PRKN: variants seen among roughly 807,000 people sequenced by gnomAD.
PRKN encodes the protein parkin RBR E3 ubiquitin protein ligase.
PRKN carries 56 observed loss-of-function variants against 59.5 expected under a neutral mutation model. That is an observed-to-expected ratio of 0.94 (90% CI 0.76 to 1.18). PRKN has a LOEUF of 1.18. Among genes scored for constraint, PRKN ranks in the 50% most tolerant of loss-of-function variants. The pLI, the probability that PRKN is intolerant of heterozygous loss-of-function variation, is 0.00. For missense variants in PRKN, 657 were observed against 596.4 expected (o/e 1.10, Z -1.06); for synonymous variants, 250 against 222.1 (o/e 1.13, Z -1.12).
At chr6:161,824,386 A>G (rs951682147) in intron 6 of PRKN, among the ~76,000 whole-genome samples, 13 of 152,374 alleles carry the variant, frequency 8.5e-5, no homozygotes, top group Middle Eastern at 3.4e-3. Flanking sequence ...TTGTGCATAA[A>G]CACAAATGAA....
At chr6:162,568,216 T>A (rs1400436577) in intron 1 of PRKN, among the ~76,000 whole-genome samples, 1 of 152,128 alleles carries the variant, frequency 6.6e-6, no homozygotes, top group Non-Finnish European at 1.5e-5. Context: ...GGGTAAAAAT[T>A]TCTTGAGCAA....
rs914322102 is a variant in PRKN, at chr6:161,581,631, G to A, written c.872-12215C>T. On this transcript the variant is annotated intron_variant, in intron 7 of 11. Transcript: ENST00000366898. This position sits in a 1 kb window ranked among gnomAD's most constrained non-coding sequence, Gnocchi z 4.5. ...GGGCGTTGGGCCTATGTCATCAACA[G>A]TGAGCAAGAGACAGGAAATAGAATG... 1.4e-4 allele frequency among the ~76,000 whole-genome samples: 21 copies of A among 152,290 alleles called. No homozygotes were observed. Among genetic ancestry groups the A allele is most frequent in the African/African-American group, 5.1e-4 (21 of 41,562 alleles).
At chr6:162,703,658 A>AT in intron 1 of PRKN, among the ~76,000 whole-genome samples, 1 of 152,292 alleles carries the variant, frequency 6.6e-6, no homozygotes, top group Middle Eastern at 3.4e-3. Context: ...TACTATCCCC[A>AT]TTTTGTAGAT....
intron 9 of PRKN, among the ~76,000 whole-genome samples, chr6:161,508,883 T>G (rs146655028): frequency 0.012 from 1,819 of 152,140 alleles, 38 homozygotes; most frequent in African/African-American, 0.042. Flanking sequence ...TCACTCTTGT[T>G]GCCGAGACTG....
intron 1 of PRKN, among the ~76,000 whole-genome samples, chr6:162,714,257 G>A (rs2849514): frequency 0.92 from 139,371 of 152,156 alleles, 63,994 homozygotes; most frequent in East Asian, 0.98. Context: ...GTTTAAGCCA[G>A]TCTTTAACAC....
chr6:162,130,128 A>G (rs1336828953), intron 4 of PRKN, among the ~76,000 whole-genome samples: 1 of 152,054 alleles, frequency 6.6e-6, no homozygotes, highest in Non-Finnish European at 1.5e-5. Context: ...CTGGCCCCCA[A>G]ATACAGGAAT....
chr6:161,885,405 C>T (rs1383526696), intron 6 of PRKN, among the ~76,000 whole-genome samples: 1 of 152,254 alleles, frequency 6.6e-6, no homozygotes, highest in Non-Finnish European at 1.5e-5. Context: ...GTGGCTCAGC[C>T]TGTAATCCCA....
chr6:161,882,687 T>C (rs1255118235), intron 6 of PRKN, among the ~76,000 whole-genome samples: 1 of 152,096 alleles, frequency 6.6e-6, no homozygotes, highest in Non-Finnish European at 1.5e-5. Context: ...GATGTGAAGA[T>C]GGATGAAGAA....
At position 161,562,150 on chromosome 6, in the gene PRKN, G is replaced by A. The variant is rs908554534; in HGVS notation, c.933+7205C>T. The stretch of plus-strand genomic sequence containing the variant: ...TCAGCATTCCTCCTCTGGAAGCCCC[G>A]CCTTCTTGGCTTCCCCAACACCATA... On this transcript the variant is annotated intron_variant, in intron 8 of 11. Coordinates refer to ENST00000366898, the MANE Select transcript of PRKN (RefSeq NM_004562.3). The surrounding 1 kb of genome is among the most constrained non-coding windows in gnomAD (Gnocchi z 4.3). Among the ~76,000 whole-genome samples, 4 of 151,434 alleles carry A rather than the reference G, an allele frequency of 2.6e-5. No homozygotes were observed. Among genetic ancestry groups the A allele is most frequent in the Admixed American group, 6.6e-5 (1 of 15,200 alleles).
intron 6 of PRKN, among the ~76,000 whole-genome samples, chr6:161,891,615 T>A (rs947628060): frequency 1.3e-5 from 2 of 152,168 alleles, no homozygotes; most frequent in African/African-American, 4.8e-5. Flanking sequence ...CTCTACACCC[T>A]AAACATTCCT....
chr6:162,061,977 T>C (rs77478826), intron 4 of PRKN, among the ~76,000 whole-genome samples: 1,739 of 152,238 alleles, frequency 0.011, 32 homozygotes, highest in African/African-American at 0.04. Context: ...AAATGGAAAA[T>C]AGTATAGTCA....
At chr6:162,516,419 T>G (rs1423250112) in intron 1 of PRKN, among the ~76,000 whole-genome samples, 1 of 152,180 alleles carries the variant, frequency 6.6e-6, no homozygotes, top group Non-Finnish European at 1.5e-5. Flanking sequence ...CAGACTTAGC[T>G]AGATTCCTGT....
At chr6:162,700,001 T>C (rs905744377) in intron 1 of PRKN, among the ~76,000 whole-genome samples, 6 of 152,226 alleles carry the variant, frequency 3.9e-5, no homozygotes, top group African/African-American at 9.6e-5. Context: ...ATTGAATGAA[T>C]ATTCAAGCAC....
Position 161,541,052 on chromosome 6 carries a change from T to C in PRKN, c.1083+7802A>G, listed in dbSNP as rs190390025. Among the ~76,000 whole-genome samples, 1,332 of 152,364 alleles carry C rather than the reference T, an allele frequency of 8.7e-3. 62 individuals carry two copies. The highest frequency in any genetic ancestry group is 0.078 in the Admixed American group (1,191 of 15,304). On this transcript the variant is annotated intron_variant, in intron 9 of 11. Coordinates refer to ENST00000366898, the MANE Select transcript of PRKN (RefSeq NM_004562.3). ...ACAGCTGAATAGCTCAAAGTGCTTG[T>C]GTTGAAAACACAGGAAACCTGAGTT...
At chr6:161,523,859 T>A (rs899574754) in intron 9 of PRKN, among the ~76,000 whole-genome samples, 9 of 152,152 alleles carry the variant, frequency 5.9e-5, no homozygotes, top group Non-Finnish European at 1.3e-4. Context: ...AAACCATTTT[T>A]CAAAATACCA....
intron 6 of PRKN, among the ~76,000 whole-genome samples, chr6:161,839,024 G>A (rs1288447141): frequency 6.6e-6 from 1 of 152,078 alleles, no homozygotes; most frequent in Non-Finnish European, 1.5e-5. Context: ...GTGGGGGGAG[G>A]AGCAGCCTTT....
chr6:162,024,217 T>G (rs866394587), intron 5 of PRKN, among the ~76,000 whole-genome samples: 1 of 146,864 alleles, frequency 6.8e-6, no homozygotes, highest in Non-Finnish European at 1.5e-5. Context: ...TTTTTTTTTT[T>G]GACAGAGTTT....
Position 161,470,517 on chromosome 6 carries a change from C to A in PRKN, c.1083+78337G>T, listed in dbSNP as rs1259422083. 1.3e-5 allele frequency among the ~76,000 whole-genome samples: 2 copies of A among 152,178 alleles called. No homozygotes were observed. Among genetic ancestry groups the A allele is most frequent in the Non-Finnish European group, 2.9e-5 (2 of 68,024 alleles). On this transcript the variant is annotated intron_variant, in intron 9 of 11. Coordinates refer to ENST00000366898, the MANE Select transcript of PRKN (RefSeq NM_004562.3). The surrounding 1 kb of genome is among the most constrained non-coding windows in gnomAD (Gnocchi z 5.1). ...AGCACTCCCAGTCTAACCCTTTGAC[C>A]CACTCAAGAGATGTCCTATGTCTTA... is the stretch of plus-strand genomic sequence containing the variant.
chr6:162,503,899 G>A (rs112740563), intron 1 of PRKN, among the ~76,000 whole-genome samples: 1 of 152,150 alleles, frequency 6.6e-6, no homozygotes, highest in Non-Finnish European at 1.5e-5. Context: ...ATTACAAAGT[G>A]TTTCAATGCC....
Sources: allele counts gnomAD v4.1 joint callset (sites outside exome capture counted in the v4.1 genomes callset), GRCh38; gene constraint gnomAD v4.1.1; non-coding constraint Gnocchi (gnomAD v3.1); transcripts MANE v1.5; gene names NCBI Gene and HGNC (gene_info 2026-07-23, HGNC 2026-07-21).